AIFM1: variants seen among roughly 807,000 people sequenced by gnomAD.
The protein encoded by AIFM1 is apoptosis-inducing factor 1, mitochondrial.
A neutral mutation model predicts 51.7 loss-of-function variants in AIFM1; 3 were observed. The observed-to-expected ratio is 0.06, with a 90% confidence interval of 0.03 to 0.15. The LOEUF (loss-of-function observed/expected upper bound fraction) is 0.15. AIFM1 is among the 10% of genes least tolerant of loss of function. The probability of loss-of-function intolerance (pLI) is 1.00; values close to 1 mark genes in which losing one functional copy is unlikely to be tolerated. For missense variants in AIFM1, 330 were observed against 476.8 expected, an observed-to-expected ratio of 0.69 and a Z score of 2.87; for synonymous variants, 178 against 179.4, an observed-to-expected ratio of 0.99 and a Z score of 0.06.
In AIFM1 at chrX:130,129,466, A is replaced by G; in HGVS notation, c.*91T>C. 2 of 730,651 alleles carry G rather than the reference A, an allele frequency of 2.7e-6. No individual in the cohort carries two copies. Among genetic ancestry groups the G allele is most frequent in the Non-Finnish European group, 4.4e-6 (2 of 456,711 alleles). 60.2% of individuals were successfully genotyped at this position (730,651 alleles called of 1,213,427 possible). ...GACTTGATCATTCACACTCATACAC[A>G]GAGAAAGTCTGCTGAATAAAAAAAT... On this transcript the variant is annotated 3_prime_UTR_variant, in exon 16 of 16. Coordinates refer to ENST00000287295, the MANE Select transcript of AIFM1 (RefSeq NM_004208.4).
intron 3 of AIFM1, among the ~76,000 whole-genome samples, chrX:130,148,082 A>G (rs895188177): frequency 1.8e-5 from 2 of 112,674 alleles, no homozygotes. Context: ...AGTGAAAAAT[A>G]GGAGAATGAT....
chrX:130,164,133 A>T (rs2031450108), intron 1 of AIFM1, among the ~76,000 whole-genome samples: 1 of 102,864 alleles, frequency 9.7e-6, no homozygotes, highest in Non-Finnish European at 2.0e-5. Context: ...GCGCCACTGC[A>T]CTCCAGCCTG....
rs777653625 is a variant in AIFM1 at position 130,130,130 on chromosome X, T to G, written c.1610A>C (p.Glu537Ala). ...GIRSESETES[E>A]ASEITIPPST... ...GGGAGGAATAGTAATTTCTGAGGCC[T>G]CGGACTCTGTCTCACTCTCTGATCG... Residue 537 changes from glutamate to alanine, a missense_variant, in exon 15 of 16, where the codon GAG becomes GCG. Transcript: ENST00000287295. 22 of 1,211,932 alleles carry G rather than the reference T, an allele frequency of 1.8e-5. No homozygotes were observed. The South Asian group carries it at 3.9e-4, about 21-fold the overall frequency.
At chrX:130,148,898 T>C (rs1179464592) in intron 3 of AIFM1, among the ~76,000 whole-genome samples, 4 of 102,202 alleles carry the variant, frequency 3.9e-5, no homozygotes, top group Non-Finnish European at 7.9e-5. Context: ...ATAGTTTTCC[T>C]TGCTAAGCTT....
chrX:130,165,804 A>G lies in AIFM1; in HGVS notation c.-148T>C, dbSNP rs1204855472. The G allele has an allele frequency of 1.6e-5, 9 of 548,915 alleles. No homozygotes were observed. The highest frequency in any genetic ancestry group is 2.9e-5 in the Non-Finnish European group (9 of 313,848). 45.2% of individuals were successfully genotyped at this position (548,915 alleles called of 1,213,427 possible). A position where few individuals can be genotyped will look rare whatever the true frequency, so the allele number is the denominator to read the frequency against. On this transcript the variant is annotated 5_prime_UTR_variant, in exon 1 of 16. Transcript: ENST00000287295. ...CCTCCCAGCTCCGGGTGGGCATTGG[A>G]CAGAGAAGCCGGCCTGCTAGAGCCG...
intron 11 of AIFM1, 28 bp from the exon 12 acceptor site, chrX:130,136,213 A>C: frequency 8.3e-7 from 1 of 1,208,939 alleles, no homozygotes; most frequent in South Asian, 1.8e-5. Flanking sequence ...TAATTCAGTC[A>C]ATTACCACAG....
At chrX:130,134,584 T>C (rs1041960957) in intron 12 of AIFM1, among the ~76,000 whole-genome samples, 1 of 111,051 alleles carries the variant, frequency 9.0e-6, no homozygotes, top group South Asian at 3.8e-4. Context: ...TACAGAAAGA[T>C]ACAGCCTTGC....
chrX:130,146,451 ATGTG>A (rs60694841), intron 5 of AIFM1, among the ~76,000 whole-genome samples: 17,380 of 89,023 alleles, frequency 0.2, 2,082 homozygotes, highest in African/African-American at 0.42. Context: ...CTCTCAAAAT[ATGTG>A]TGTGTGTGTG....
At chrX:130,133,016 CG>C (rs2030167193) in intron 13 of AIFM1, among the ~76,000 whole-genome samples, 2 of 111,566 alleles carry the variant, frequency 1.8e-5, no homozygotes, top group Admixed American at 9.5e-5. Flanking sequence ...CCTATTTTGC[CG>C]GAAGTGCTGG....
At chrX:130,155,815 C>T (rs2031143643) in intron 2 of AIFM1, among the ~76,000 whole-genome samples, 1 of 111,678 alleles carries the variant, frequency 9.0e-6, no homozygotes, top group African/African-American at 3.3e-5. Flanking sequence ...AAAAAACACC[C>T]ACAAAATAAT....
chrX:130,158,174 G>T (rs1440738693), intron 1 of AIFM1, among the ~76,000 whole-genome samples: 1 of 110,485 alleles, frequency 9.1e-6, no homozygotes, highest in Admixed American at 9.7e-5. Flanking sequence ...TGAGGCAGGA[G>T]AATAGCTTGA....
At position 130,137,285 on chromosome X, in the gene AIFM1, C is replaced by G. The variant is rs1008987434; in HGVS notation, c.968-100G>C. ...AGCAGCAGGCAGCCCTCACTACAGA[C>G]AGGGCAGAGCTGCAATCCAGGCCGA... On this transcript the variant is annotated intron_variant, in intron 9 of 15. Transcript: ENST00000287295. The G allele has an allele frequency of 3.1e-5, 37 of 1,196,008 alleles. No homozygotes were observed. The South Asian group carries it at 6.7e-4, about 22-fold the overall frequency.
chrX:130,137,046 A>G (rs1411321264), intron 10 of AIFM1, 32 bp downstream of exon 10: 12 of 1,209,211 alleles, frequency 9.9e-6, no homozygotes, highest in South Asian at 1.8e-5. Context: ...CAAAGGAAAT[A>G]GAGTGGCAGC....
At chrX:130,144,053 T>C (rs1180965263) in intron 6 of AIFM1, among the ~76,000 whole-genome samples, 1 of 111,980 alleles carries the variant, frequency 8.9e-6, no homozygotes, top group Non-Finnish European at 1.9e-5. Flanking sequence ...AAGAGGGAAA[T>C]AATACCTACC....
At chrX:130,139,915 G>C in intron 7 of AIFM1, 44 bp from the exon 8 acceptor site, 1 of 1,097,552 alleles carries the variant, frequency 9.1e-7, no homozygotes, top group Non-Finnish European at 1.3e-6. Context: ...ACAAGCAGGA[G>C]CCAGCCCAAA....
At chrX:130,155,769 A>G (rs2124673197) in intron 2 of AIFM1, among the ~76,000 whole-genome samples, 1 of 112,070 alleles carries the variant, frequency 8.9e-6, no homozygotes, top group South Asian at 3.7e-4. Flanking sequence ...CTTTAGACTG[A>G]TCGGCTTAGT....
At chrX:130,152,923 G>C (rs904897760) in intron 2 of AIFM1, among the ~76,000 whole-genome samples, 2 of 111,808 alleles carry the variant, frequency 1.8e-5, no homozygotes, top group African/African-American at 6.5e-5. Context: ...GTAAGTGTAT[G>C]ATACCTAGTA....
chrX:130,131,202 A>G (rs945846458), intron 14 of AIFM1, among the ~76,000 whole-genome samples: 1 of 112,037 alleles, frequency 8.9e-6, no homozygotes, highest in Admixed American at 9.5e-5. Flanking sequence ...AGGCAGCTAA[A>G]TAACTACTCA....
intron 2 of AIFM1, among the ~76,000 whole-genome samples, chrX:130,152,973 T>C (rs892270398): frequency 9.0e-6 from 1 of 110,713 alleles, no homozygotes; most frequent in African/African-American, 3.3e-5. Context: ...TATGTATTTG[T>C]AGTCATAAAA....
Sources: gnomAD v4.1 joint callset for allele counts (sites outside exome capture counted in the v4.1 genomes callset) on GRCh38, gnomAD v4.1.1 for gene constraint, MANE v1.5 for transcripts, NCBI Gene and HGNC (gene_info 2026-07-23, HGNC 2026-07-21) for gene names.